Variants in PPP1R3B observed in about 807,000 individuals in gnomAD.
The protein encoded by PPP1R3B is PP1 subunit R4.
In PPP1R3B, 8 loss-of-function variants were observed where a neutral mutation model predicts 14.6. The ratio of observed to expected loss-of-function variants is 0.55; its 90% CI spans 0.32 to 0.99. The LOEUF is 0.99. Among genes scored for constraint, PPP1R3B ranks in the 50% least tolerant of loss-of-function variants. The pLI is 0.04. For missense variants in PPP1R3B, 452 were observed against 360.1 expected (o/e 1.26, Z -2.07); for synonymous variants, 169 against 142.0 (o/e 1.19, Z -1.35).
At chr8:9,142,507 CTTTT>C (rs1000116510) in intron 1 of PPP1R3B, 1 of 152,258 alleles carries the variant, frequency 6.6e-6, no homozygotes, top group African/African-American at 2.4e-5. Context: ...TTATATCACA[CTTTT>C]TTTGCAGTGA....
In PPP1R3B at chr8:9,141,420, CTT is replaced by C. The variant is rs754989192; in HGVS notation, c.230_231del (p.Lys77SerfsTer7). On this transcript the variant is annotated frameshift_variant, in exon 2 of 2. Transcript: ENST00000310455. LOFTEE classifies it high-confidence loss of function. The part of the protein sequence containing the change: ...DNQGLALTMV[K>X]VFSEFDDPLD... ...AGCGGGTCATCGAATTCCGAGAACACTTTGACCATTGTCAGGGCCAGCCCCTG... is the reference window on the plus strand; with the variant it reads ...AGCGGGTCATCGAATTCCGAGAACACTGACCATTGTCAGGGCCAGCCCCTG... 6.2e-7 allele frequency: 1 copy of C among 1,614,064 alleles called. No homozygotes were observed. Among genetic ancestry groups the C allele is most frequent in the Non-Finnish European group, 8.5e-7 (1 of 1,180,040 alleles).
At chr8:9,147,356 C>G (rs1404599722) in intron 1 of PPP1R3B, among the ~76,000 whole-genome samples, 1 of 152,052 alleles carries the variant, frequency 6.6e-6, no homozygotes, top group Non-Finnish European at 1.5e-5. Flanking sequence ...CATCCCAGTG[C>G]CCCCCACTCT....
At chr8:9,143,061 G>C (rs886967982) in intron 1 of PPP1R3B, among the ~76,000 whole-genome samples, 1 of 152,144 alleles carries the variant, frequency 6.6e-6, no homozygotes, top group African/African-American at 2.4e-5. Flanking sequence ...AGTTCTAGTT[G>C]TGGTTTTTTG....
intron 1 of PPP1R3B, among the ~76,000 whole-genome samples, chr8:9,149,710 G>T (rs151193988): frequency 3.9e-5 from 6 of 152,342 alleles, no homozygotes; most frequent in African/African-American, 1.4e-4. Context: ...GAGAGTGCAT[G>T]TCTTTCCCCT....
chr8:9,145,641 C>T (rs959817984), intron 1 of PPP1R3B, among the ~76,000 whole-genome samples: 1 of 151,928 alleles, frequency 6.6e-6, no homozygotes, highest in Non-Finnish European at 1.5e-5. Context: ...TCCATGTTGT[C>T]CAAGGATCAA....
chr8:9,149,101 G>A (rs563464248), intron 1 of PPP1R3B, among the ~76,000 whole-genome samples: 1 of 150,740 alleles, frequency 6.6e-6, no homozygotes, highest in Non-Finnish European at 1.5e-5. Flanking sequence ...GCCGAGGCAG[G>A]AGAATGGCGC....
chr8:9,142,468 A>G (rs1231303050), intron 1 of PPP1R3B: 1 of 152,228 alleles, frequency 6.6e-6, no homozygotes, highest in East Asian at 1.9e-4. Context: ...TACATTGTGG[A>G]ATGGCTAAAT....
At chr8:9,142,821 G>A (rs1250256322) in intron 1 of PPP1R3B, among the ~76,000 whole-genome samples, 1 of 152,096 alleles carries the variant, frequency 6.6e-6, no homozygotes, top group Non-Finnish European at 1.5e-5. Context: ...CATCCCCGTT[G>A]GCACAAATGA....
In PPP1R3B at chr8:9,140,717, C is replaced by G; in HGVS notation, c.*77G>C. ...GAAGTTCCACGTTGCTCCTCCCTGG[C>G]CTTCCATCTCCACTGCACAGTGAGC... On this transcript the variant is annotated 3_prime_UTR_variant, in exon 2 of 2. Coordinates refer to ENST00000310455, the MANE Select transcript of PPP1R3B (RefSeq NM_024607.4). The G allele has an allele frequency of 4.1e-6, 6 of 1,479,060 alleles. No homozygotes were observed. Among genetic ancestry groups the G allele is most frequent in the South Asian group, 1.3e-5 (1 of 79,646 alleles). 91.6% of individuals were successfully genotyped at this position (1,479,060 alleles called of 1,614,324 possible).
intron 1 of PPP1R3B, 69 bp from the exon 2 acceptor site, chr8:9,141,737 GCAT>G: frequency 6.9e-7 from 1 of 1,443,810 alleles, no homozygotes; most frequent in Non-Finnish European, 9.4e-7. Context: ...ATGTGTAAAG[GCAT>G]CATTCCAGCA....
intron 1 of PPP1R3B, among the ~76,000 whole-genome samples, chr8:9,147,340 A>G (rs897024187): frequency 6.6e-6 from 1 of 152,104 alleles, no homozygotes; most frequent in South Asian, 2.1e-4. Flanking sequence ...AAGAGGCTAT[A>G]TCTGGCATCC....
chr8:9,149,911 CTAAG>C (rs1801366572), intron 1 of PPP1R3B, among the ~76,000 whole-genome samples: 1 of 152,234 alleles, frequency 6.6e-6, no homozygotes, highest in South Asian at 2.1e-4. Flanking sequence ...GAGTACTAGG[CTAAG>C]AATGCCCGCA....
In PPP1R3B at chr8:9,140,826, A is replaced by C. The variant is rs747717864; in HGVS notation, c.826T>G (p.Leu276Val). 7.4e-6 allele frequency: 12 copies of C among 1,614,088 alleles called. No individual in the cohort carries two copies. Among genetic ancestry groups the C allele is most frequent in the East Asian group, 2.2e-5 (1 of 44,868 alleles). Residue 276 changes from leucine to valine, a missense_variant, in exon 2 of 2, where the codon TTA (leucine) becomes GTA (valine). Coordinates refer to ENST00000310455, the MANE Select transcript of PPP1R3B (RefSeq NM_024607.4). ...YGLFPEWPSY[L>V]GYEKLGPYY ...TAGGGCCCTAGCTTTTCATATCCTAAGTAACTTGGCCACTCTGGAAACAGA... is the reference window on the plus strand; with the variant it reads ...TAGGGCCCTAGCTTTTCATATCCTACGTAACTTGGCCACTCTGGAAACAGA...
At position 9,141,352 on chromosome 8, in the gene PPP1R3B, C is replaced by T. The variant is rs756185445; in HGVS notation, c.300G>A (p.Val100=). The change falls in exon 2 of 2, where the codon GTG becomes GTA. Residue 100 remains valine, a synonymous_variant. Coordinates refer to ENST00000310455, the MANE Select transcript of PPP1R3B (RefSeq NM_024607.4). ...FNITELLDNI[V]SLTTAESESF... is the part of the protein sequence containing the mutation. ...TCTCGCTCTCTGCTGTCGTCAAGCT[C>T]ACAATGTTGTCTAGGAGCTCGGTGA... 2 of 1,614,230 alleles carry T rather than the reference C, an allele frequency of 1.2e-6. No individual in the cohort carries two copies. The highest frequency in any genetic ancestry group is 1.3e-5 in the African/African-American group (1 of 75,060).
chr8:9,142,180 T>A (rs1190032395), intron 1 of PPP1R3B: 1 of 153,608 alleles, frequency 6.5e-6, no homozygotes, highest in Non-Finnish European at 1.4e-5. Flanking sequence ...CACTGCAGCC[T>A]CGACCTCCCA....
intron 1 of PPP1R3B, among the ~76,000 whole-genome samples, chr8:9,146,093 TCC>T (rs1274646811): frequency 1.3e-5 from 2 of 152,166 alleles, no homozygotes; most frequent in African/African-American, 4.8e-5. Context: ...GGTCTCAAAC[TCC>T]TGAGCTCAAG....
chr8:9,140,757 CTGTGGCAGCT>C lies in PPP1R3B; in HGVS notation c.*27_*36del, dbSNP rs774978174. ...GCACAGTGAGCAGAGCTAGGCTTGTCTGTGGCAGCTCCGCCACGCCCTGTCACCTGCAGTC... is the reference window on the plus strand; with the variant it reads ...GCACAGTGAGCAGAGCTAGGCTTGTCCCGCCACGCCCTGTCACCTGCAGTC... On this transcript the variant is annotated 3_prime_UTR_variant, in exon 2 of 2. Transcript: ENST00000310455. The C allele has an allele frequency of 1.9e-6, 3 of 1,603,486 alleles. No homozygotes were observed. The African/African-American group carries it at 4.0e-5, about 21-fold the overall frequency.
At chr8:9,151,027 C>G (rs1801413644), upstream of PPP1R3B, among the ~76,000 whole-genome samples, 1 of 152,216 alleles carries the variant, frequency 6.6e-6, no homozygotes, top group African/African-American at 2.4e-5. Flanking sequence ...GTGCTAGTTT[C>G]GAAGCCAGAA....
At position 9,139,022 on chromosome 8, in the gene PPP1R3B, G is replaced by T. The variant is rs1800983413; in HGVS notation, c.*1772C>A. 6.6e-6 allele frequency: 1 copy of T among 152,196 alleles called. No homozygotes were observed. Among genetic ancestry groups the T allele is most frequent in the South Asian group, 2.1e-4 (1 of 4,832 alleles). 9.4% of individuals were successfully genotyped at this position (152,196 alleles called of 1,614,324 possible). ...CAACCTCCACCTCCTGGGTTCAAGTGATTCTCCTGCCTCAGCCTCCCGAGT... is the reference window on the plus strand; with the variant it reads ...CAACCTCCACCTCCTGGGTTCAAGTTATTCTCCTGCCTCAGCCTCCCGAGT... On this transcript the variant is annotated 3_prime_UTR_variant, in exon 2 of 2. Coordinates refer to ENST00000310455, the MANE Select transcript of PPP1R3B (RefSeq NM_024607.4).
Sources: allele counts gnomAD v4.1 joint callset (sites outside exome capture counted in the v4.1 genomes callset), GRCh38; gene constraint gnomAD v4.1.1; transcripts MANE v1.5; gene names NCBI Gene and HGNC (gene_info 2026-07-23, HGNC 2026-07-21).